INTS10: variants seen among roughly 807,000 people sequenced by gnomAD.
INTS10 encodes chromosome 8 open reading frame 35.
INTS10 carries 44 observed loss-of-function variants against 94.4 expected under a neutral mutation model. The ratio of observed to expected loss-of-function variants is 0.47; its 90% CI spans 0.37 to 0.60. The LOEUF (loss-of-function observed/expected upper bound fraction) is 0.60, where lower values mean the gene tolerates loss of function less well. Among genes scored for constraint, INTS10 ranks in the 20% least tolerant of loss-of-function variants. INTS10 has a pLI of 0.00. For missense variants in INTS10, 797 were observed against 868.7 expected, an observed-to-expected ratio of 0.92 and a Z score of 1.04; for synonymous variants, 341 against 320.7, an observed-to-expected ratio of 1.06 and a Z score of -0.68.
In INTS10 at chr8:19,817,435, C is replaced by T; in HGVS notation, c.-103C>T. The stretch of plus-strand genomic sequence containing the variant: ...GCCTCCAGACATGCGCAGTAGCCTC[C>T]CCCGCGGTGGCGGCGGCGGCGGCGG... On this transcript the variant is annotated 5_prime_UTR_variant, in exon 1 of 17. Coordinates refer to ENST00000397977, the MANE Select transcript of INTS10 (RefSeq NM_018142.4). 2.1e-6 allele frequency: 3 copies of T among 1,414,088 alleles called. No individual in the cohort carries two copies. The highest frequency in any genetic ancestry group is 2.4e-5 in the East Asian group (1 of 41,214). The allele number at this position is 1,414,088 out of a possible 1,614,324, so 87.6% of individuals were successfully genotyped here. A position where few individuals can be genotyped will look rare whatever the true frequency, so the allele number is the denominator to read the frequency against.
In INTS10 at chr8:19,818,673, A is replaced by C. The variant is rs890904915; in HGVS notation, c.197+331A>C. ...TGCATCCTAAACTGAACCAGAGTTAAGTTTTGTAGGCAGTATATCTATACA... is the reference window on the plus strand; with the variant it reads ...TGCATCCTAAACTGAACCAGAGTTACGTTTTGTAGGCAGTATATCTATACA... On this transcript the variant is annotated intron_variant, in intron 2 of 16. Transcript: ENST00000397977. 3.6e-5 allele frequency: 12 copies of C among 333,620 alleles called. No individual in the cohort carries two copies. In the Admixed American group the frequency reaches 3.6e-4, roughly 10 times the overall value. 20.7% of individuals were successfully genotyped at this position (333,620 alleles called of 1,614,324 possible).
rs770333259 is a variant in INTS10 at position 19,830,490 on chromosome 8, G to T, written c.1225G>T (p.Val409Leu). 1.2e-6 allele frequency: 2 copies of T among 1,613,990 alleles called. No individual in the cohort carries two copies. The highest frequency in any genetic ancestry group is 1.7e-6 in the Non-Finnish European group (2 of 1,179,964). The change falls in exon 10 of 17, where the codon GTG becomes TTG. Residue 409 changes from valine to leucine, a missense_variant. This residue lies in a region of INTS10 where 734 missense variants were observed against 787.8 expected (regional missense o/e 0.93). Transcript: ENST00000397977. ...AGCCGAACTTGCTAACTCCACTGAA[G>T]TGTTAGAAAGCTTTAAATTGGCCAG... ...NKAELANSTE[V>L]LESFKLARES...
intron 9 of INTS10, 85 bp from the exon 10 acceptor site, chr8:19,830,321 G>T: frequency 1.7e-6 from 2 of 1,180,264 alleles, no homozygotes; most frequent in Non-Finnish European, 2.3e-6. Flanking sequence ...TTCATATCAC[G>T]GGCCAAACTG....
At chr8:19,823,538 C>G (rs181185916) in intron 6 of INTS10, 97 bp downstream of exon 6, 25 of 873,608 alleles carry the variant, frequency 2.9e-5, no homozygotes, top group Non-Finnish European at 4.2e-5. Context: ...CCTCTGGATA[C>G]TTACCAGTTT....
chr8:19,838,307 G>T (rs1010758113), intron 13 of INTS10, among the ~76,000 whole-genome samples: 2 of 150,718 alleles, frequency 1.3e-5, no homozygotes, highest in African/African-American at 4.9e-5. Context: ...AGTGAGCCGA[G>T]ATCACACCAC....
At chr8:19,821,627 C>G (rs940943045) in intron 4 of INTS10, 2 of 151,904 alleles carry the variant, frequency 1.3e-5, no homozygotes, top group African/African-American at 2.4e-5. Flanking sequence ...GGACACTAGT[C>G]ATTGGATTGA....
chr8:19,829,151 A>G (rs900066662), intron 9 of INTS10, among the ~76,000 whole-genome samples: 1 of 152,102 alleles, frequency 6.6e-6, no homozygotes, highest in South Asian at 2.1e-4. Context: ...TATCATTATT[A>G]TACTTTAAGT....
intron 11 of INTS10, 116 bp from the exon 12 acceptor site, chr8:19,833,053 C>G: frequency 1.3e-6 from 1 of 791,872 alleles, no homozygotes; most frequent in Admixed American, 3.1e-5. Flanking sequence ...TCAAACCAAG[C>G]TACCGTCTTT....
chr8:19,820,298 T>C (rs2066269965), intron 3 of INTS10, 81 bp from the exon 4 acceptor site: 6 of 1,392,494 alleles, frequency 4.3e-6, no homozygotes, highest in South Asian at 4.2e-5. Context: ...GTTCTGTACA[T>C]GAAAATGCCT....
chr8:19,830,028 G>T (rs1366556906), intron 9 of INTS10, among the ~76,000 whole-genome samples: 1 of 152,128 alleles, frequency 6.6e-6, no homozygotes, highest in Admixed American at 6.5e-5. Context: ...ATTAAATCAT[G>T]TCACGTATTA....
At position 19,833,286 on chromosome 8, in the gene INTS10, C is replaced by T. The variant is rs1370497096; in HGVS notation, c.1495C>T (p.Leu499=). 6.2e-7 allele frequency: 1 copy of T among 1,612,878 alleles called. No homozygotes were observed. Among genetic ancestry groups the T allele is most frequent in the Non-Finnish European group, 8.5e-7 (1 of 1,179,434 alleles). The part of the protein sequence containing the change: ...TLEHQRALIQ[L]ATCHFALGEY... ...GGAGCATCAGAGGGCGCTCATCCAG[C>T]TGGCGACGTGCCACTTTGCGCTAGG... Residue 499 remains leucine, a synonymous_variant, in exon 12 of 17, where the codon CTG becomes TTG. Transcript: ENST00000397977.
intron 3 of INTS10, 91 bp downstream of exon 3, chr8:19,819,767 G>A (rs2066224105): frequency 1.1e-6 from 1 of 870,100 alleles, no homozygotes; most frequent in Non-Finnish European, 1.8e-6. Flanking sequence ...TGGGGTATTG[G>A]TAACCATATG....
chr8:19,833,739 G>A (rs4922106), intron 12 of INTS10, among the ~76,000 whole-genome samples: 39,690 of 151,956 alleles, frequency 0.26, 5,224 homozygotes, highest in Middle Eastern at 0.47. Flanking sequence ...CGGGTGTGGT[G>A]GCTCACACCT....
intron 9 of INTS10, 91 bp downstream of exon 9, chr8:19,826,650 A>G: frequency 8.3e-7 from 1 of 1,197,698 alleles, no homozygotes; most frequent in Non-Finnish European, 1.2e-6. Context: ...AGCTAAATCG[A>G]TAAAGCCTGG....
Position 19,851,859 on chromosome 8 carries a change from C to T in INTS10, c.*54C>T. 1 of 1,507,836 alleles carries T rather than the reference C, an allele frequency of 6.6e-7. No homozygotes were observed. The highest frequency in any genetic ancestry group is 9.2e-7 in the Non-Finnish European group (1 of 1,086,588). 93.4% of individuals were successfully genotyped at this position (1,507,836 alleles called of 1,614,324 possible). ...GGGCCTGTGTAATTGTAGGAGAAGA[C>T]ACTCAGCAGTGATTGCCATGGCACA... On this transcript the variant is annotated 3_prime_UTR_variant, in exon 17 of 17. Transcript: ENST00000397977. This position sits in a 1 kb window ranked among gnomAD's most constrained non-coding sequence, Gnocchi z 5.0.
rs115110118 is a variant in INTS10 at position 19,837,597 on chromosome 8, T to G, written c.1639+437T>G. The G allele has an allele frequency of 5.0e-3, 790 of 157,288 alleles. 4 individuals carry two copies. Among genetic ancestry groups the G allele is most frequent in the African/African-American group, 0.018 (742 of 41,594 alleles). The allele number at this position is 157,288 out of a possible 1,614,324, so 9.7% of individuals were successfully genotyped here. On this transcript the variant is annotated intron_variant, in intron 13 of 16. Coordinates refer to ENST00000397977, the MANE Select transcript of INTS10 (RefSeq NM_018142.4). ...AATTCTAGAAAAATGTGTAGATGAT[T>G]AATTAGGAGGTATCTGTCAGCACAT...
chr8:19,836,954 C>A, intron 12 of INTS10, 98 bp from the exon 13 acceptor site: 1 of 762,594 alleles, frequency 1.3e-6, no homozygotes, highest in Non-Finnish European at 2.4e-6. Context: ...CTTCCATGTA[C>A]ACATTGCCTG....
chr8:19,827,229 C>T (rs2128766744), intron 9 of INTS10, among the ~76,000 whole-genome samples: 1 of 152,252 alleles, frequency 6.6e-6, no homozygotes, highest in East Asian at 1.9e-4. Context: ...CCAGCCTCTG[C>T]CCGTTGAAGC....
chr8:19,846,331 G>A lies in INTS10; in HGVS notation c.1976+534G>A, dbSNP rs1430720367. ...ACCTGTAATCCCAGCTACTTGGGAGGCTGAGGCAGGAGAACCGCTTGAACC... is the reference window on the plus strand; with the variant it reads ...ACCTGTAATCCCAGCTACTTGGGAGACTGAGGCAGGAGAACCGCTTGAACC... On this transcript the variant is annotated intron_variant, in intron 16 of 16. Transcript: ENST00000397977. This position sits in a 1 kb window ranked among gnomAD's most constrained non-coding sequence, Gnocchi z 4.2. 6.6e-6 allele frequency among the ~76,000 whole-genome samples: 1 copy of A among 151,962 alleles called. No individual in the cohort carries two copies. The highest frequency in any genetic ancestry group is 2.4e-5 in the African/African-American group (1 of 41,378).
Sources: gnomAD v4.1 joint callset for allele counts (sites outside exome capture counted in the v4.1 genomes callset) on GRCh38, gnomAD v4.1.1 for gene constraint, gnomAD v4.1.1 regional missense constraint, Gnocchi (gnomAD v3.1) non-coding constraint, MANE v1.5 for transcripts, NCBI Gene and HGNC (gene_info 2026-07-23, HGNC 2026-07-21) for gene names.